Variants in ZNF385B observed in about 807,000 individuals in gnomAD.
The protein encoded by ZNF385B is zinc finger protein 533.
In ZNF385B, 23 loss-of-function variants were observed where a neutral mutation model predicts 39.2. The observed-to-expected ratio is 0.59, with a 90% CI of 0.42 to 0.83. The LOEUF (loss-of-function observed/expected upper bound fraction) is 0.83. Among genes scored for constraint, ZNF385B ranks in the 40% least tolerant of loss-of-function variants. The pLI, the probability that ZNF385B is intolerant of heterozygous loss-of-function variation, is 0.00. For missense variants in ZNF385B, 552 were observed against 598.9 expected (o/e 0.92, Z 0.82); for synonymous variants, 205 against 222.6 (o/e 0.92, Z 0.70).
intron 1 of ZNF385B, among the ~76,000 whole-genome samples, chr2:179,833,285 T>G (rs1708078181): frequency 6.6e-6 from 1 of 152,172 alleles, no homozygotes; most frequent in South Asian, 2.1e-4. Flanking sequence ...ACAAATAAAA[T>G]GTTCTTTTAA....
intron 3 of ZNF385B, among the ~76,000 whole-genome samples, chr2:179,753,829 T>G (rs965778053): frequency 6.6e-6 from 1 of 152,242 alleles, no homozygotes. Flanking sequence ...AAGGAGATTT[T>G]GGGCTGAGAC....
intron 1 of ZNF385B, among the ~76,000 whole-genome samples, chr2:179,844,289 C>T (rs1708689205): frequency 6.6e-6 from 1 of 152,174 alleles, no homozygotes; most frequent in Non-Finnish European, 1.5e-5. Flanking sequence ...TTTTAAATTT[C>T]CTTTCTGCTC....
intron 3 of ZNF385B, among the ~76,000 whole-genome samples, chr2:179,755,809 T>A (rs1292680770): frequency 6.6e-6 from 1 of 152,220 alleles, no homozygotes; most frequent in African/African-American, 2.4e-5. Flanking sequence ...ATCCCTTTAT[T>A]TTGAGCCTAT....
chr2:179,596,903 C>T (rs1688042990), intron 3 of ZNF385B, among the ~76,000 whole-genome samples: 1 of 152,030 alleles, frequency 6.6e-6, no homozygotes, highest in Non-Finnish European at 1.5e-5. Flanking sequence ...ACATTTTCAA[C>T]ACTTTGCTTG....
At chr2:179,741,714 T>C (rs1327684811) in intron 3 of ZNF385B, among the ~76,000 whole-genome samples, 1 of 152,114 alleles carries the variant, frequency 6.6e-6, no homozygotes, top group East Asian at 1.9e-4. Context: ...TTTGACATCA[T>C]ATGAGGCACA....
chr2:179,805,516 T>C (rs2106559393), intron 1 of ZNF385B, among the ~76,000 whole-genome samples: 1 of 152,282 alleles, frequency 6.6e-6, no homozygotes, highest in South Asian at 2.1e-4. Flanking sequence ...CTTAACAAAT[T>C]ATATTATTAT....
intron 1 of ZNF385B, among the ~76,000 whole-genome samples, chr2:179,829,869 G>A (rs1305697448): frequency 6.6e-6 from 1 of 152,174 alleles, no homozygotes; most frequent in African/African-American, 2.4e-5. Context: ...GAAAAATAAT[G>A]ATAGAAGAAA....
intron 3 of ZNF385B, among the ~76,000 whole-genome samples, chr2:179,647,003 T>C (rs1692775394): frequency 6.6e-6 from 1 of 152,204 alleles, no homozygotes; most frequent in African/African-American, 2.4e-5. Flanking sequence ...CTTTGACTTT[T>C]AGACAGACAG....
chr2:179,696,326 C>CATTTTTTTTTTTTTTTT (rs1698741710), intron 3 of ZNF385B, among the ~76,000 whole-genome samples: 2 of 40,354 alleles, frequency 5.0e-5, no homozygotes, highest in South Asian at 1.4e-3. Context: ...CAAACTGGGA[C>CATTTTTTTTTTTTTTTT]TTTTTTTTTT....
intron 3 of ZNF385B, among the ~76,000 whole-genome samples, chr2:179,687,574 A>G (rs1250997127): frequency 1.3e-5 from 2 of 152,176 alleles, no homozygotes; most frequent in African/African-American, 4.8e-5. Flanking sequence ...CCAGGGGATG[A>G]AAAAGGAGCT....
intron 1 of ZNF385B, among the ~76,000 whole-genome samples, chr2:179,841,249 T>G (rs1277559543): frequency 2.6e-5 from 4 of 152,196 alleles, no homozygotes; most frequent in African/African-American, 9.7e-5. Flanking sequence ...GAGCAAAGCT[T>G]TCTATATTCA....
At chr2:179,487,447 G>C (rs903589044) in intron 5 of ZNF385B, among the ~76,000 whole-genome samples, 19 of 152,210 alleles carry the variant, frequency 1.2e-4, no homozygotes, top group African/African-American at 4.3e-4. Context: ...GTCTGAGGCA[G>C]TGTCAACAGT....
intron 3 of ZNF385B, among the ~76,000 whole-genome samples, chr2:179,582,016 A>G (rs1686586124): frequency 6.6e-6 from 1 of 152,208 alleles, no homozygotes; most frequent in South Asian, 2.1e-4. Flanking sequence ...ATTTTCATTA[A>G]TAGAGGACTG....
chr2:179,809,531 C>T (rs1000406741), intron 1 of ZNF385B, among the ~76,000 whole-genome samples: 10 of 152,014 alleles, frequency 6.6e-5, no homozygotes, highest in African/African-American at 9.7e-5. Context: ...AGAGTTCTAT[C>T]GTTGAGTCTT....
intron 3 of ZNF385B, among the ~76,000 whole-genome samples, chr2:179,624,381 C>T (rs1180207950): frequency 6.6e-6 from 1 of 152,102 alleles, no homozygotes; most frequent in African/African-American, 2.4e-5. Context: ...ATTCTTCTAC[C>T]TCTGCACAAA....
rs544120677 is a variant in ZNF385B, at chr2:179,714,530, G to A, written c.298+54973C>T. Among the ~76,000 whole-genome samples, 7 of 152,230 alleles carry A rather than the reference G, an allele frequency of 4.6e-5. No individual in the cohort carries two copies. The South Asian group carries it at 1.5e-3, about 32-fold the overall frequency. On this transcript the variant is annotated intron_variant, in intron 3 of 9. Coordinates refer to ENST00000410066, the MANE Select transcript of ZNF385B (RefSeq NM_152520.6). ...TATTATACAACAATAAAAAGGCTGTGGGGTCAAAAGCTATGGCTGTTAAAA... is the reference window on the plus strand; with the variant it reads ...TATTATACAACAATAAAAAGGCTGTAGGGTCAAAAGCTATGGCTGTTAAAA...
chr2:179,465,293 G>A (rs1284544582), intron 6 of ZNF385B, among the ~76,000 whole-genome samples: 1 of 151,894 alleles, frequency 6.6e-6, no homozygotes, highest in Non-Finnish European at 1.5e-5. Context: ...TCTTTTTCTT[G>A]GGCATTACAT....
chr2:179,759,467 T>C (rs1049838246), intron 3 of ZNF385B, among the ~76,000 whole-genome samples: 14 of 152,256 alleles, frequency 9.2e-5, no homozygotes, highest in Middle Eastern at 3.4e-3. Context: ...AGAAAACCCT[T>C]TTTCCTGTTC....
At chr2:179,453,761 C>A (rs1295445722) in intron 6 of ZNF385B, among the ~76,000 whole-genome samples, 2 of 152,086 alleles carry the variant, frequency 1.3e-5, no homozygotes, top group Non-Finnish European at 2.9e-5. Context: ...GAAGTCTGAT[C>A]ACTAGGACCT....
Sources: gnomAD v4.1 joint callset for allele counts (sites outside exome capture counted in the v4.1 genomes callset) on GRCh38, gnomAD v4.1.1 for gene constraint, MANE v1.5 for transcripts, NCBI Gene and HGNC (gene_info 2026-07-23, HGNC 2026-07-21) for gene names.